Variants in PTPRG observed in about 807,000 individuals in gnomAD.
The protein encoded by PTPRG is receptor-type tyrosine-protein phosphatase gamma.
In PTPRG, 102 loss-of-function variants were observed where a neutral mutation model predicts 165.3. The observed-to-expected ratio is 0.62, with a 90% CI of 0.53 to 0.73. The LOEUF is 0.73. Ranked by LOEUF, PTPRG falls within the 30% of genes least tolerant of loss-of-function variation. PTPRG has a pLI of 0.00. For missense variants in PTPRG, 1,866 were observed against 1,861.4 expected (o/e 1.00, Z -0.05); for synonymous variants, 675 against 669.5 (o/e 1.01, Z -0.13).
intron 8 of PTPRG, among the ~76,000 whole-genome samples, chr3:62,187,830 C>T (rs1699701255): frequency 6.6e-6 from 1 of 152,188 alleles, no homozygotes; most frequent in South Asian, 2.1e-4. Context: ...AAAGCCCTGG[C>T]CTCATGCTCC....
Position 61,866,582 on chromosome 3 carries a change from C to CTTTT in PTPRG, c.190+117633_190+117636dup, listed in dbSNP as rs532356516. ...TTCCCTGGCTTTGGAACTGTTTGCT[C>CTTTT]TTTTTTTTTTTTTTTTTTTTTTTTT... On this transcript the variant is annotated intron_variant, in intron 2 of 29. Coordinates refer to ENST00000474889, the MANE Select transcript of PTPRG (RefSeq NM_002841.4). Among the ~76,000 whole-genome samples the CTTTT allele has an allele frequency of 2.2e-3, 152 of 69,062 alleles. 46 individuals carry two copies. The highest frequency in any genetic ancestry group is 3.3e-3 in the Non-Finnish European group (110 of 33,140). The allele number at this position is 69,062 out of a possible 152,430, so 45.3% of individuals were successfully genotyped here. A position where few individuals can be genotyped will look rare whatever the true frequency, so the allele number is the denominator to read the frequency against.
At chr3:62,020,698 G>GTTTTGTTGT (rs2041668620) in intron 4 of PTPRG, among the ~76,000 whole-genome samples, 2 of 151,912 alleles carry the variant, frequency 1.3e-5, no homozygotes, top group South Asian at 4.2e-4. Context: ...CTTATTTCTG[G>GTTTTGTTGT]TTTTGTTGTT....
intron 4 of PTPRG, among the ~76,000 whole-genome samples, chr3:62,069,637 GTCTCTCTCTC>G (rs537162206): frequency 0.024 from 3,394 of 140,888 alleles, 133 homozygotes; most frequent in East Asian, 0.082. Flanking sequence ...TAGGATCGAT[GTCTCTCTCTC>G]TCTCTCTCTC....
chr3:61,806,872 G>T (rs900518365), intron 2 of PTPRG, among the ~76,000 whole-genome samples: 48 of 152,168 alleles, frequency 3.2e-4, no homozygotes, highest in African/African-American at 1.0e-3. Flanking sequence ...TCCGTGGCTT[G>T]TGTACCCCTC....
chr3:62,061,401 T>C (rs1380342312), intron 4 of PTPRG, among the ~76,000 whole-genome samples: 3 of 82,770 alleles, frequency 3.6e-5, no homozygotes, highest in Admixed American at 2.0e-4. Context: ...AACCTGATTA[T>C]TGGTTGACAC....
At chr3:61,797,581 A>ACCCCCCCCCCCCCCCC (rs10541580) in intron 2 of PTPRG, among the ~76,000 whole-genome samples, 1 of 127,372 alleles carries the variant, frequency 7.9e-6, no homozygotes. Context: ...TTATCTCCAC[A>ACCCCCCCCCCCCCCCC]CCCCCCCCCA....
intron 1 of PTPRG, among the ~76,000 whole-genome samples, chr3:61,653,015 C>G (rs926368433): frequency 2.0e-5 from 3 of 152,068 alleles, no homozygotes; most frequent in African/African-American, 7.2e-5. Context: ...TTATGCCAAA[C>G]AACAGATTTG....
chr3:62,244,973 A>G (rs764352482), intron 15 of PTPRG, among the ~76,000 whole-genome samples: 6 of 152,170 alleles, frequency 3.9e-5, no homozygotes, highest in Middle Eastern at 3.2e-3. Context: ...ACGTGTGGTT[A>G]TGGTTGTGGA....
At chr3:62,006,509 C>T (rs960191618) in intron 4 of PTPRG, among the ~76,000 whole-genome samples, 1 of 152,046 alleles carries the variant, frequency 6.6e-6, no homozygotes, top group Admixed American at 6.6e-5. Context: ...TGTTTTCATT[C>T]TTAAAAACTA....
chr3:62,297,560 A>AT lies in PTPRG; in HGVS notation c.*4254dup, dbSNP rs1354263254. 1 of 151,796 alleles carries AT rather than the reference A, an allele frequency of 6.6e-6. No homozygotes were observed. The highest frequency in any genetic ancestry group is 1.9e-4 in the East Asian group (1 of 5,174). The allele number at this position is 151,796 out of a possible 1,614,324, so 9.4% of individuals were successfully genotyped here. ...AATCATTCTATTATAGTGTTATTTAATATGTAAATTGTATTGCTATACATA... is the reference window on the plus strand; with the variant it reads ...AATCATTCTATTATAGTGTTATTTAATTATGTAAATTGTATTGCTATACATA... On this transcript the variant is annotated 3_prime_UTR_variant, in exon 30 of 30. Transcript: ENST00000474889.
At chr3:62,063,704 T>C (rs2106699233) in intron 4 of PTPRG, among the ~76,000 whole-genome samples, 1 of 152,314 alleles carries the variant, frequency 6.6e-6, no homozygotes, top group South Asian at 2.1e-4. Context: ...AGTATCGCTA[T>C]GTTGCCCAGG....
intron 2 of PTPRG, among the ~76,000 whole-genome samples, chr3:61,819,742 CTT>C (rs1386969158): frequency 6.6e-6 from 1 of 152,098 alleles, no homozygotes; most frequent in East Asian, 1.9e-4. Flanking sequence ...ACATGGGAAT[CTT>C]TATACAACAG....
At chr3:61,607,210 C>T (rs1701035631) in intron 1 of PTPRG, among the ~76,000 whole-genome samples, 1 of 152,192 alleles carries the variant, frequency 6.6e-6, no homozygotes, top group South Asian at 2.1e-4. Context: ...GTACCTCCTT[C>T]CTTGACACTG....
intron 4 of PTPRG, among the ~76,000 whole-genome samples, chr3:62,011,185 A>C (rs1422392076): frequency 6.6e-6 from 1 of 151,960 alleles, no homozygotes; most frequent in African/African-American, 2.4e-5. Flanking sequence ...ATATTGATTT[A>C]TTTCCCTCCC....
intron 2 of PTPRG, among the ~76,000 whole-genome samples, chr3:61,897,438 T>C (rs893285994): frequency 2.0e-5 from 3 of 152,178 alleles, no homozygotes; most frequent in African/African-American, 7.2e-5. Flanking sequence ...TTCTGTTCCA[T>C]TGATTGATGT....
chr3:61,989,692 T>A lies in PTPRG; in HGVS notation c.258T>A (p.Ile86=). The A allele has an allele frequency of 6.2e-7, 1 of 1,614,112 alleles. No homozygotes were observed. Among genetic ancestry groups the A allele is most frequent in the Non-Finnish European group, 8.5e-7 (1 of 1,180,010 alleles). ...VSCGGRHQSP[I]DILDQYARVG... is the part of the protein sequence containing the mutation. ...GTGGGGGCCGTCACCAGTCTCCTAT[T>A]GACATTTTAGACCAGTATGCGCGTG... Residue 86 remains isoleucine (I), a synonymous_variant, in exon 3 of 30, where the codon ATT becomes ATA. Transcript: ENST00000474889.
intron 2 of PTPRG, among the ~76,000 whole-genome samples, chr3:61,858,676 A>G (rs1327089185): frequency 1.3e-5 from 2 of 152,230 alleles, no homozygotes; most frequent in South Asian, 2.1e-4. Flanking sequence ...TATAATAAAT[A>G]TGACTTCTGT....
At chr3:62,262,620 C>A (rs1701733663) in intron 16 of PTPRG, 178 bp from the exon 17 acceptor site, 6 of 449,738 alleles carry the variant, frequency 1.3e-5, no homozygotes, top group South Asian at 1.1e-4. Flanking sequence ...ATCTTTATAC[C>A]TTTTTCACAT....
chr3:61,622,078 A>G (rs1367396660), intron 1 of PTPRG, among the ~76,000 whole-genome samples: 3 of 152,202 alleles, frequency 2.0e-5, no homozygotes, highest in Non-Finnish European at 4.4e-5. Context: ...CGGGGCATAC[A>G]TCTTTCACTT....
Sources: allele counts gnomAD v4.1 joint callset (sites outside exome capture counted in the v4.1 genomes callset), GRCh38; gene constraint gnomAD v4.1.1; transcripts MANE v1.5; gene names NCBI Gene and HGNC (gene_info 2026-07-23, HGNC 2026-07-21).